GBF1: variants seen among roughly 807,000 people sequenced by gnomAD.
GBF1 encodes the protein golgi brefeldin A resistant guanine nucleotide exchange factor 1, also known as Golgi-specific brefeldin A-resistance guanine nucleotide exchange factor 1.
GBF1 carries 114 observed loss-of-function variants against 210.5 expected under a neutral mutation model. The ratio of observed to expected loss-of-function variants is 0.54; its 90% confidence interval spans 0.47 to 0.63. The LOEUF (loss-of-function observed/expected upper bound fraction) is 0.63, where lower values mean the gene tolerates loss of function less well. Ranked by LOEUF, GBF1 falls within the 30% of genes least tolerant of loss-of-function variation. The pLI, the probability that GBF1 is intolerant of heterozygous loss-of-function variation, is 0.00. For synonymous variants in GBF1, 850 were observed against 889.2 expected, an observed-to-expected ratio of 0.96 and a Z score of 0.78; for missense variants, 1,851 against 2,357.7, an observed-to-expected ratio of 0.79 and a Z score of 4.45.
chr10:102,260,476 C>CTTTTTTTTTTTTTTTTTTTT (rs60452124), intron 3 of GBF1, among the ~76,000 whole-genome samples: 2 of 72,430 alleles, frequency 2.8e-5, no homozygotes, highest in Admixed American at 2.0e-4. Flanking sequence ...TTCCTTTCTT[C>CTTTTTTTTTTTTTTTTTTTT]TTTTTTTTTT....
intron 3 of GBF1, among the ~76,000 whole-genome samples, chr10:102,261,615 CTTTTTTT>C (rs10711743): frequency 5.2e-5 from 6 of 116,098 alleles, no homozygotes; most frequent in East Asian, 2.6e-4. Context: ...TTCTTTCTTT[CTTTTTTT>C]TTTTTTTTTT....
At chr10:102,288,571 C>T (rs530905374) in intron 3 of GBF1, among the ~76,000 whole-genome samples, 5 of 151,482 alleles carry the variant, frequency 3.3e-5, no homozygotes, top group South Asian at 2.1e-4. Flanking sequence ...ATTAGCCGGG[C>T]GCGGTGGCGG....
At chr10:102,293,929 C>T (rs552631409) in intron 3 of GBF1, among the ~76,000 whole-genome samples, 54 of 151,574 alleles carry the variant, frequency 3.6e-4, no homozygotes, top group Middle Eastern at 3.4e-3. Flanking sequence ...AGGCACCCAC[C>T]ACCACGCCCA....
chr10:102,364,253 C>T (rs1266498184), intron 17 of GBF1, among the ~76,000 whole-genome samples: 108 of 105,096 alleles, frequency 1.0e-3, no homozygotes, highest in Non-Finnish European at 1.3e-3. Flanking sequence ...CAGACGGAGT[C>T]TCTCTCTGTT....
intron 1 of GBF1, among the ~76,000 whole-genome samples, chr10:102,247,345 G>T (rs1285581550): frequency 6.6e-6 from 1 of 152,166 alleles, no homozygotes; most frequent in Admixed American, 6.5e-5. Context: ...GATTTAGATG[G>T]AAATGGTACA....
chr10:102,356,547 C>T lies in GBF1; in HGVS notation c.640-1492C>T, dbSNP rs183989695. Among the ~76,000 whole-genome samples, 936 of 152,154 alleles carry T rather than the reference C, an allele frequency of 6.2e-3. 3 individuals are homozygous for T. The highest frequency in any genetic ancestry group is 0.017 in the Middle Eastern group (5 of 294). On this transcript the variant is annotated intron_variant, in intron 8 of 39. Transcript: ENST00000369983. Reference sequence around the variant, plus strand: ...TTGGGAGGCCAAGGCGGGCGGATCACGAGGTCAGGAGATCGAGACCATCCT... The same window carrying T: ...TTGGGAGGCCAAGGCGGGCGGATCATGAGGTCAGGAGATCGAGACCATCCT...
intron 3 of GBF1, among the ~76,000 whole-genome samples, chr10:102,322,307 C>T (rs2056475906): frequency 1.3e-5 from 2 of 152,146 alleles, no homozygotes; most frequent in South Asian, 2.1e-4. Context: ...AGAGAATTGA[C>T]ATCTTTATAA....
At chr10:102,300,811 T>C (rs1680876371) in intron 3 of GBF1, among the ~76,000 whole-genome samples, 1 of 152,206 alleles carries the variant, frequency 6.6e-6, no homozygotes, top group Admixed American at 6.5e-5. Flanking sequence ...AAGTTATTGA[T>C]TGCTGTTGAG....
At chr10:102,345,429 G>C (rs2058480658) in intron 4 of GBF1, among the ~76,000 whole-genome samples, 1 of 151,254 alleles carries the variant, frequency 6.6e-6, no homozygotes, top group Non-Finnish European at 1.5e-5. Flanking sequence ...GAGGCGGACG[G>C]ATCATGAGGT....
chr10:102,368,551 GA>G, intron 22 of GBF1, 97 bp downstream of exon 22: 2 of 874,332 alleles, frequency 2.3e-6, no homozygotes, highest in Admixed American at 3.8e-5. Context: ...TACTTCATTA[GA>G]ATGGGGTTCC....
At position 102,363,789 on chromosome 10, in the gene GBF1, C is replaced by A; in HGVS notation, c.2097C>A (p.Asn699Lys). The change falls in exon 17 of 40, where the codon AAC becomes AAA. Residue 699 changes from asparagine to lysine, a missense_variant. Coordinates refer to ENST00000369983, the MANE Select transcript of GBF1 (RefSeq NM_001377137.1). This position sits in a 1 kb window ranked among gnomAD's most constrained non-coding sequence, Gnocchi z 4.2. Reference sequence around the variant, plus strand: ...CACGGGAACTAATTGAAATTAAAAACAAAAAGAAGGTACATACATGTATTC... The same window carrying A: ...CACGGGAACTAATTGAAATTAAAAAAAAAAAGAAGGTACATACATGTATTC... ...PDPRELIEIK[N>K]KKKLLITGTE... is the part of the protein sequence containing the mutation. The A allele has an allele frequency of 6.2e-7, 1 of 1,600,788 alleles. No homozygotes were observed. The highest frequency in any genetic ancestry group is 8.6e-7 in the Non-Finnish European group (1 of 1,168,240).
chr10:102,368,129 G>A (rs2060008515), intron 21 of GBF1, 89 bp from the exon 22 acceptor site: 1 of 810,034 alleles, frequency 1.2e-6, no homozygotes, highest in African/African-American at 1.7e-5. Flanking sequence ...CATCAGTGGA[G>A]AGTGCTAGTA....
At chr10:102,338,407 A>AT (rs1366688959) in intron 3 of GBF1, among the ~76,000 whole-genome samples, 2 of 151,106 alleles carry the variant, frequency 1.3e-5, no homozygotes, top group Admixed American at 6.6e-5. Context: ...CACCAGGCTA[A>AT]TTTTTTTTGT....
chr10:102,370,044 G>T lies in GBF1; in HGVS notation c.3339+60G>T, dbSNP rs574479125. ...AACACCTTCCTATTAGATGCTACTT[G>T]GTGAACTGAAGAATAAATCATCCAG... is the stretch of plus-strand genomic sequence containing the variant. On this transcript the variant is annotated intron_variant, in intron 26 of 39. Transcript: ENST00000369983. 1.8e-5 allele frequency: 29 copies of T among 1,595,242 alleles called. No homozygotes were observed. The South Asian group carries it at 2.4e-4, about 13-fold the overall frequency.
intron 3 of GBF1, among the ~76,000 whole-genome samples, chr10:102,329,604 C>A (rs994774021): frequency 2.0e-5 from 3 of 151,858 alleles, no homozygotes; most frequent in African/African-American, 7.3e-5. Flanking sequence ...GCTGGGACTA[C>A]AGGTGCCCGC....
Position 102,360,293 on chromosome 10 carries a change from G to A in GBF1, c.1290G>A (p.Met430Ile). ...DRHNSEVMIH[M>I]GLHLLTVALE... ...ATAACTCAGAGGTTATGATTCACAT[G>A]GGACTGCATTTGCTGACAGTGGCCC... The change falls in exon 12 of 40, where the codon ATG becomes ATA. Residue 430 changes from methionine (M) to isoleucine (I), a missense_variant. Physicochemically the swap from Met to Ile is conservative, Grantham distance 10. Transcript: ENST00000369983. The A allele has an allele frequency of 3.1e-6, 5 of 1,613,668 alleles. 1 individual carries two copies. In the South Asian group the frequency reaches 5.5e-5, roughly 18 times the overall value.
At chr10:102,325,901 C>T (rs890634495) in intron 3 of GBF1, among the ~76,000 whole-genome samples, 3 of 152,150 alleles carry the variant, frequency 2.0e-5, no homozygotes, top group Non-Finnish European at 4.4e-5. Flanking sequence ...CCACCTGCCT[C>T]GGCCTCCCAA....
intron 3 of GBF1, among the ~76,000 whole-genome samples, chr10:102,335,005 C>T (rs1021084812): frequency 2.6e-5 from 4 of 151,984 alleles, no homozygotes; most frequent in Non-Finnish European, 4.4e-5. Flanking sequence ...AGTGAAGCAC[C>T]CTGCCCAGTC....
chr10:102,371,163 T>C (rs1313269737), intron 29 of GBF1, among the ~76,000 whole-genome samples: 2 of 152,210 alleles, frequency 1.3e-5, no homozygotes, highest in Admixed American at 1.3e-4. Flanking sequence ...TATGACCCTC[T>C]TGAGATCTCT....
Sources: gnomAD v4.1 joint callset for allele counts (sites outside exome capture counted in the v4.1 genomes callset) on GRCh38, gnomAD v4.1.1 for gene constraint, Gnocchi (gnomAD v3.1) non-coding constraint, MANE v1.5 for transcripts, NCBI Gene and HGNC (gene_info 2026-07-23, HGNC 2026-07-21) for gene names.